RALYL: variants seen among roughly 807,000 people sequenced by gnomAD.
RALYL encodes RNA-binding Raly-like protein.
A neutral mutation model predicts 35.1 loss-of-function variants in RALYL; 29 were observed. The observed-to-expected ratio is 0.83, with a 90% CI of 0.61 to 1.13. The LOEUF (loss-of-function observed/expected upper bound fraction) is 1.13. Ranked by LOEUF, RALYL falls within the 50% of genes most tolerant of loss-of-function variation. The pLI is 0.00. For missense variants in RALYL, 359 were observed against 360.4 expected (o/e 1.00, Z 0.03); for synonymous variants, 120 against 127.6 (o/e 0.94, Z 0.40).
At chr8:84,709,826 C>A (rs72681013) in intron 2 of RALYL, among the ~76,000 whole-genome samples, 30,074 of 151,990 alleles carry the variant, frequency 0.2, 3,275 homozygotes, top group Non-Finnish European at 0.23. Context: ...TTTGGGAGGC[C>A]AAGGCGGGAG....
At chr8:84,866,624 C>A (rs73301213) in intron 6 of RALYL, among the ~76,000 whole-genome samples, 5,466 of 152,150 alleles carry the variant, frequency 0.036, 327 homozygotes, top group African/African-American at 0.12. Context: ...TTACTGCCTT[C>A]TCTGTAGAGT....
chr8:84,526,347 A>T (rs1352407804), intron 1 of RALYL, among the ~76,000 whole-genome samples: 1 of 152,048 alleles, frequency 6.6e-6, no homozygotes, highest in Non-Finnish European at 1.5e-5. Flanking sequence ...CTTGTTTTCA[A>T]CTTTTGCTAG....
chr8:84,378,860 A>ACAGTTTTC (rs1387397946), intron 1 of RALYL, among the ~76,000 whole-genome samples: 1 of 151,874 alleles, frequency 6.6e-6, no homozygotes, highest in Non-Finnish European at 1.5e-5. Context: ...AAGAATTCAT[A>ACAGTTTTC]CAGTTTTCCT....
chr8:84,725,849 T>C (rs1245738763), intron 2 of RALYL, among the ~76,000 whole-genome samples: 2 of 151,754 alleles, frequency 1.3e-5, no homozygotes, highest in Non-Finnish European at 3.0e-5. Flanking sequence ...ATTTTATGGA[T>C]ATTTTTCTGG....
intron 2 of RALYL, among the ~76,000 whole-genome samples, chr8:84,657,108 T>C (rs1830093448): frequency 6.6e-6 from 1 of 152,164 alleles, no homozygotes. Context: ...AGACCAAAAT[T>C]CTGTAGGCTT....
rs1052098250 is a variant in RALYL, at chr8:84,637,538, A to G, written c.256+107961A>G. ...AAAGAAAGTGACTTTATTTACCAAAACTAGTAATGGGGAAGTGGCCAGATT... is the reference window on the plus strand; with the variant it reads ...AAAGAAAGTGACTTTATTTACCAAAGCTAGTAATGGGGAAGTGGCCAGATT... On this transcript the variant is annotated intron_variant, in intron 2 of 8. Transcript: ENST00000521268. Among the ~76,000 whole-genome samples, 15 of 151,884 alleles carry G rather than the reference A, an allele frequency of 9.9e-5. 1 individual carries two copies. In the Admixed American group the frequency reaches 9.9e-4, roughly 10 times the overall value.
At chr8:84,229,742 C>A (rs1014347094) in intron 1 of RALYL, among the ~76,000 whole-genome samples, 1 of 151,952 alleles carries the variant, frequency 6.6e-6, no homozygotes, top group African/African-American at 2.4e-5. Flanking sequence ...TAGAAGTAAC[C>A]TTGAGGTACT....
At chr8:84,256,349 C>CTAAATAGTTTG (rs1831206309) in intron 1 of RALYL, among the ~76,000 whole-genome samples, 1 of 104,954 alleles carries the variant, frequency 9.5e-6, no homozygotes, top group East Asian at 2.7e-4. Flanking sequence ...CTAGCAGAAA[C>CTAAATAGTTTG]CTGTATTTTG....
intron 1 of RALYL, among the ~76,000 whole-genome samples, chr8:84,273,384 T>G (rs1327792463): frequency 2.6e-5 from 4 of 152,264 alleles, no homozygotes; most frequent in Non-Finnish European, 4.4e-5. Flanking sequence ...ACATGGCAGC[T>G]GGTTTCCCTC....
At chr8:84,511,324 A>G (rs2057598249) in intron 1 of RALYL, among the ~76,000 whole-genome samples, 1 of 152,212 alleles carries the variant, frequency 6.6e-6, no homozygotes, top group South Asian at 2.1e-4. Flanking sequence ...TTCATGCATA[A>G]TAGGTATAGA....
intron 2 of RALYL, among the ~76,000 whole-genome samples, chr8:84,653,343 A>C (rs1829243636): frequency 6.6e-6 from 1 of 152,098 alleles, no homozygotes; most frequent in Admixed American, 6.6e-5. Flanking sequence ...GAGGGCAAAA[A>C]GCACCTACAT....
At chr8:84,732,668 T>TTATATATATATATATATATATATATATA (rs1554553641) in intron 2 of RALYL, among the ~76,000 whole-genome samples, 6 of 132,474 alleles carry the variant, frequency 4.5e-5, no homozygotes, top group African/African-American at 9.5e-5. Flanking sequence ...TATTAAATAA[T>TTATATATATATATATATATATATATATA]TATATATATA....
intron 3 of RALYL, among the ~76,000 whole-genome samples, chr8:84,797,906 G>A (rs1563626470): frequency 6.6e-6 from 1 of 152,184 alleles, no homozygotes; most frequent in Non-Finnish European, 1.5e-5. Flanking sequence ...TCTAGGCACA[G>A]GTTTTCTCAG....
Position 84,709,123 on chromosome 8 carries a change from A to G in RALYL, c.257-65456A>G, listed in dbSNP as rs570157114. 5.9e-5 allele frequency among the ~76,000 whole-genome samples: 9 copies of G among 152,250 alleles called. 1 individual carries two copies. In the South Asian group the frequency reaches 1.9e-3, roughly 32 times the overall value. The stretch of plus-strand genomic sequence containing the variant: ...TAGCCCTCTTCTTATAGTCTTGGCC[A>G]ATTATCTATTATTTCTGTGGGTTGC... On this transcript the variant is annotated intron_variant, in intron 2 of 8. Transcript: ENST00000521268.
intron 4 of RALYL, among the ~76,000 whole-genome samples, chr8:84,831,490 A>C (rs1473047686): frequency 6.6e-6 from 1 of 152,148 alleles, no homozygotes; most frequent in Non-Finnish European, 1.5e-5. Context: ...GGTTTTGTCT[A>C]TCCTGAACAC....
At chr8:84,361,601 C>G (rs1444312916) in intron 1 of RALYL, among the ~76,000 whole-genome samples, 2 of 152,048 alleles carry the variant, frequency 1.3e-5, no homozygotes, top group Non-Finnish European at 2.9e-5. Flanking sequence ...TGTTTTTAAT[C>G]TAGTGATGTA....
At chr8:84,886,398 A>G (rs903920591) in intron 7 of RALYL, among the ~76,000 whole-genome samples, 1 of 152,114 alleles carries the variant, frequency 6.6e-6, no homozygotes, top group Non-Finnish European at 1.5e-5. Flanking sequence ...ACGTTATGAA[A>G]AAGACCAGAA....
chr8:84,399,215 T>A lies in RALYL; in HGVS notation c.-23-130084T>A, dbSNP rs561665624. ...AGAATAATAAAAAACATTTATTAAT[T>A]GCTATATGATAGAACATGTGCTAAG... On this transcript the variant is annotated intron_variant, in intron 1 of 8. Transcript: ENST00000521268. 5.3e-5 allele frequency among the ~76,000 whole-genome samples: 8 copies of A among 152,316 alleles called. No individual in the cohort carries two copies. In the South Asian group the frequency reaches 1.7e-3, roughly 32 times the overall value.
intron 2 of RALYL, among the ~76,000 whole-genome samples, chr8:84,623,485 T>G (rs1822029834): frequency 6.6e-6 from 1 of 152,156 alleles, no homozygotes; most frequent in South Asian, 2.1e-4. Context: ...TACTGTCCTG[T>G]AAGTTACCAA....
Sources: gnomAD v4.1 joint callset for allele counts (sites outside exome capture counted in the v4.1 genomes callset) on GRCh38, gnomAD v4.1.1 for gene constraint, MANE v1.5 for transcripts, NCBI Gene and HGNC (gene_info 2026-07-23, HGNC 2026-07-21) for gene names.